RBMS1: variants seen among roughly 807,000 people sequenced by gnomAD.
RBMS1 encodes the protein RNA binding motif single stranded interacting protein 1.
Under a neutral mutation model 62.3 loss-of-function variants are expected in RBMS1, and 17 were observed. That is an observed-to-expected ratio of 0.27 (90% CI 0.19 to 0.41). The LOEUF (loss-of-function observed/expected upper bound fraction) is 0.41, where lower values mean the gene tolerates loss of function less well. Among genes scored for constraint, RBMS1 ranks in the 10% least tolerant of loss-of-function variants. The probability of loss-of-function intolerance (pLI) is 1.00; values close to 1 mark genes in which losing one functional copy is unlikely to be tolerated. For synonymous variants in RBMS1, 172 were observed against 170.0 expected (o/e 1.01, Z -0.09); for missense variants, 334 against 504.5 (o/e 0.66, Z 3.24).
At chr2:160,422,661 A>G (rs1696481291) in intron 1 of RBMS1, among the ~76,000 whole-genome samples, 1 of 143,964 alleles carries the variant, frequency 6.9e-6, no homozygotes, top group Admixed American at 7.3e-5. Context: ...TAATTTACTT[A>G]ACAAACCTAA....
At chr2:160,327,458 T>C (rs1691005267) in intron 2 of RBMS1, among the ~76,000 whole-genome samples, 1 of 152,218 alleles carries the variant, frequency 6.6e-6, no homozygotes, top group Non-Finnish European at 1.5e-5. Context: ...ATGAAAAATG[T>C]ATAACCTCTC....
intron 1 of RBMS1, among the ~76,000 whole-genome samples, chr2:160,427,153 T>C (rs1377758939): frequency 6.6e-6 from 1 of 152,222 alleles, no homozygotes; most frequent in Non-Finnish European, 1.5e-5. Context: ...GTGGACACTT[T>C]TCCATCTAAG....
At chr2:160,299,896 T>A (rs62175459) in intron 6 of RBMS1, among the ~76,000 whole-genome samples, 9,204 of 152,126 alleles carry the variant, frequency 0.061, 340 homozygotes, top group South Asian at 0.13. Flanking sequence ...CTGAAGACAT[T>A]TAATTTGTGG....
chr2:160,342,690 C>T (rs936800068), intron 2 of RBMS1, among the ~76,000 whole-genome samples: 5 of 148,618 alleles, frequency 3.4e-5, no homozygotes, highest in South Asian at 2.1e-4. Flanking sequence ...CCGAGGTGGG[C>T]GGATCACGTG....
chr2:160,279,942 G>GA (rs1688018956), intron 10 of RBMS1, among the ~76,000 whole-genome samples: 1 of 151,654 alleles, frequency 6.6e-6, no homozygotes, highest in Admixed American at 6.5e-5. Flanking sequence ...TTGCCAAAAA[G>GA]AAAAAAAGAT....
chr2:160,465,888 A>ACACACTCT (rs569580064), intron 1 of RBMS1, among the ~76,000 whole-genome samples: 32 of 145,384 alleles, frequency 2.2e-4, no homozygotes, highest in African/African-American at 8.0e-4. Flanking sequence ...ACACACACAC[A>ACACACTCT]CTCTCACATT....
At chr2:160,377,268 C>T (rs115994310) in intron 1 of RBMS1, among the ~76,000 whole-genome samples, 3,219 of 152,240 alleles carry the variant, frequency 0.021, 120 homozygotes, top group African/African-American at 0.072. Context: ...TAGTATATTT[C>T]GTTAAAAGAA....
intron 2 of RBMS1, among the ~76,000 whole-genome samples, chr2:160,358,027 T>C (rs538506773): frequency 2.3e-4 from 35 of 152,244 alleles, no homozygotes; most frequent in African/African-American, 7.5e-4. Flanking sequence ...GCCAACAATC[T>C]TCTAAACCAA....
intron 10 of RBMS1, chr2:160,278,997 CA>C: frequency 5.4e-6 from 1 of 185,470 alleles, no homozygotes; most frequent in Non-Finnish European, 1.1e-5. Context: ...ATAGGAAAAA[CA>C]AACTGATTAT....
intron 1 of RBMS1, among the ~76,000 whole-genome samples, chr2:160,474,111 A>T (rs1011778281): frequency 3.9e-5 from 6 of 152,198 alleles, no homozygotes; most frequent in African/African-American, 1.4e-4. Context: ...ACAAAGGAAC[A>T]TAAGTTTGAG....
At chr2:160,428,036 T>C (rs4664014) in intron 1 of RBMS1, among the ~76,000 whole-genome samples, 144,572 of 151,974 alleles carry the variant, frequency 0.95, 68,949 homozygotes, top group East Asian at 1. Flanking sequence ...TATAAATATT[T>C]AAGAGAAAAC....
chr2:160,337,135 CTTT>C (rs768216149), intron 2 of RBMS1, among the ~76,000 whole-genome samples: 12 of 136,338 alleles, frequency 8.8e-5, no homozygotes, highest in Admixed American at 2.2e-4. Flanking sequence ...TTTTTCTTTT[CTTT>C]TTTTTTTTTT....
At chr2:160,428,517 AGAAG>A (rs1242223634) in intron 1 of RBMS1, among the ~76,000 whole-genome samples, 2 of 137,928 alleles carry the variant, frequency 1.5e-5, no homozygotes, top group Non-Finnish European at 3.3e-5. Flanking sequence ...AAGAAGAAGA[AGAAG>A]AAAAAAACTC....
intron 1 of RBMS1, among the ~76,000 whole-genome samples, chr2:160,472,048 A>G (rs1340752807): frequency 6.6e-6 from 1 of 152,108 alleles, no homozygotes; most frequent in Non-Finnish European, 1.5e-5. Context: ...CTCTAGAAAC[A>G]TGCTTAACAA....
At chr2:160,305,223 A>G (rs1294323435) in intron 4 of RBMS1, among the ~76,000 whole-genome samples, 1 of 152,182 alleles carries the variant, frequency 6.6e-6, no homozygotes, top group East Asian at 1.9e-4. Flanking sequence ...ACAGCAGTGT[A>G]ATGTCTTAGG....
chr2:160,450,413 G>A (rs1356570359), intron 1 of RBMS1, among the ~76,000 whole-genome samples: 1 of 151,982 alleles, frequency 6.6e-6, no homozygotes, highest in East Asian at 1.9e-4. Flanking sequence ...GATGAAAGGT[G>A]CCTGTAATCC....
At chr2:160,488,198 C>T (rs1039262317) in intron 1 of RBMS1, among the ~76,000 whole-genome samples, 1 of 152,208 alleles carries the variant, frequency 6.6e-6, no homozygotes, top group African/African-American at 2.4e-5. Flanking sequence ...ACCAAACTAC[C>T]TATGGTAGAC....
chr2:160,305,965 T>C (rs1689487484), intron 4 of RBMS1, among the ~76,000 whole-genome samples: 1 of 151,886 alleles, frequency 6.6e-6, no homozygotes. Flanking sequence ...TGAGACCTCA[T>C]CTCTTAAAAA....
chr2:160,396,952 C>G (rs1318031624), intron 1 of RBMS1, among the ~76,000 whole-genome samples: 4 of 152,192 alleles, frequency 2.6e-5, no homozygotes, highest in Admixed American at 6.5e-5. Context: ...ATCAGAATCT[C>G]CATGCCCCAC....
Sources: gnomAD v4.1 joint callset for allele counts (sites outside exome capture counted in the v4.1 genomes callset) on GRCh38, gnomAD v4.1.1 for gene constraint, MANE v1.5 for transcripts, NCBI Gene and HGNC (gene_info 2026-07-23, HGNC 2026-07-21) for gene names.